RAD54L: variants seen among roughly 807,000 people sequenced by gnomAD.
RAD54L encodes the protein RAD54 like.
Under a neutral mutation model 91.6 loss-of-function variants are expected in RAD54L, and 74 were observed. The ratio of observed to expected loss-of-function variants is 0.81; its 90% CI spans 0.67 to 0.98. RAD54L has a LOEUF of 0.98. RAD54L is among the 50% of genes least tolerant of loss of function. The probability of loss-of-function intolerance (pLI) is 0.00; values close to 1 mark genes in which losing one functional copy is unlikely to be tolerated. For missense variants in RAD54L, 887 were observed against 945.7 expected (o/e 0.94, Z 0.81); for synonymous variants, 304 against 349.7 (o/e 0.87, Z 1.46).
At chr1:46,255,524 A>G (rs1258474) in intron 3 of RAD54L, among the ~76,000 whole-genome samples, 133,146 of 136,800 alleles carry the variant, frequency 0.97, 64,813 homozygotes, top group East Asian at 1. Flanking sequence ...TTTGAGACAT[A>G]GTCTTGCTCT....
intron 16 of RAD54L, among the ~76,000 whole-genome samples, chr1:46,275,726 C>T (rs527912588): frequency 1.3e-5 from 2 of 152,300 alleles, no homozygotes; most frequent in South Asian, 4.1e-4. Context: ...TCATCAGACT[C>T]CTTATACCAC....
At chr1:46,255,047 A>G (rs968354354) in intron 3 of RAD54L, among the ~76,000 whole-genome samples, 1 of 152,202 alleles carries the variant, frequency 6.6e-6, no homozygotes, top group African/African-American at 2.4e-5. Context: ...AGTAAGATAC[A>G]TGTCCATTGG....
In RAD54L at chr1:46,277,309, A is replaced by T. The variant is rs144252282; in HGVS notation, c.1870-508A>T. Among the ~76,000 whole-genome samples the T allele has an allele frequency of 3.3e-5, 5 of 152,324 alleles. No individual in the cohort carries two copies. The East Asian group carries it at 9.6e-4, about 29-fold the overall frequency. On this transcript the variant is annotated intron_variant, in intron 16 of 17. Coordinates refer to ENST00000371975, the MANE Select transcript of RAD54L (RefSeq NM_003579.4). ...TCAAGGATAGAGTTTCAAGTTTTCA[A>T]TACTGTTCTACTCTACCATCCTTAT... is the stretch of plus-strand genomic sequence containing the variant.
rs1384113848 is a variant in RAD54L, at chr1:46,261,269, A to G, written c.775A>G (p.Met259Val). 19 of 1,612,574 alleles carry G rather than the reference A, an allele frequency of 1.2e-5. No homozygotes were observed. Among genetic ancestry groups the G allele is most frequent in the East Asian group, 4.5e-5 (2 of 44,844 alleles). The change falls in exon 8 of 18, where the codon ATG (methionine) becomes GTG (valine). Residue 259 changes from methionine (M) to valine (V), a missense_variant. By Grantham distance (21) the Met-to-Val change is conservative. Coordinates refer to ENST00000371975, the MANE Select transcript of RAD54L (RefSeq NM_003579.4). Reference protein sequence around the residue: ...DEIDQKLEGFMNQRGARVSSP... With the variant: ...DEIDQKLEGFVNQRGARVSSP... ...CACCTTTTCTGTTGTAGAAGGATTC[A>G]TGAACCAGCGTGGAGCCAGGGTGTC... is the stretch of plus-strand genomic sequence containing the variant.
Position 46,248,145 on chromosome 1 carries a change from C to G in RAD54L, c.-261C>G, listed in dbSNP as rs762143850. On this transcript the variant is annotated 5_prime_UTR_variant, in exon 1 of 18. Coordinates refer to ENST00000371975, the MANE Select transcript of RAD54L (RefSeq NM_003579.4). ...TCCACCTGCCTCCTCCCCAATCCCACACTAATCTCTGCTTGGTCTCTTCCT... is the reference window on the plus strand; with the variant it reads ...TCCACCTGCCTCCTCCCCAATCCCAGACTAATCTCTGCTTGGTCTCTTCCT... 6.3e-5 allele frequency: 37 copies of G among 588,442 alleles called. No individual in the cohort carries two copies. The highest frequency in any genetic ancestry group is 8.3e-5 in the Non-Finnish European group (27 of 324,474). The allele number at this position is 588,442 out of a possible 1,614,324, so 36.5% of individuals were successfully genotyped here.
intron 3 of RAD54L, among the ~76,000 whole-genome samples, chr1:46,251,044 C>T (rs1250959641): frequency 6.6e-6 from 1 of 151,604 alleles, no homozygotes. Context: ...CGCAGTGGCT[C>T]ACGCCTGTAA....
At chr1:46,250,936 A>C (rs12748884) in intron 3 of RAD54L, among the ~76,000 whole-genome samples, 1 of 151,186 alleles carries the variant, frequency 6.6e-6, no homozygotes, top group East Asian at 1.9e-4. Context: ...ACGCCACTGC[A>C]CTCCAGCCTG....
chr1:46,274,826 CA>C, intron 16 of RAD54L, 109 bp downstream of exon 16: 6 of 1,299,932 alleles, frequency 4.6e-6, no homozygotes, highest in Non-Finnish European at 3.3e-6. Context: ...TAGCAGTAGC[CA>C]AGCTATGGGC....
At chr1:46,261,238 C>T (rs2148289109) in intron 7 of RAD54L, 23 bp from the exon 8 acceptor site, 1 of 1,607,424 alleles carries the variant, frequency 6.2e-7, no homozygotes. Flanking sequence ...TGAATTGTTC[C>T]CTTTACACCT....
At chr1:46,249,502 T>C (rs1659741528) in intron 2 of RAD54L, among the ~76,000 whole-genome samples, 1 of 152,244 alleles carries the variant, frequency 6.6e-6, no homozygotes, top group Non-Finnish European at 1.5e-5. Flanking sequence ...CAGCATTCTC[T>C]GCATCTGGGT....
intron 3 of RAD54L, among the ~76,000 whole-genome samples, chr1:46,253,667 A>G (rs1659862107): frequency 6.7e-6 from 1 of 150,348 alleles, no homozygotes; most frequent in Non-Finnish European, 1.5e-5. Context: ...GCAAACTGCA[A>G]TACCGGATTT....
intron 16 of RAD54L, 96 bp downstream of exon 16, chr1:46,274,813 C>T: frequency 6.8e-7 from 1 of 1,471,132 alleles, no homozygotes; most frequent in South Asian, 1.1e-5. Flanking sequence ...GCCTTTCTGC[C>T]TCTAGCAGTA....
chr1:46,248,623 G>T (rs1254795828), intron 2 of RAD54L, 25 bp downstream of exon 2: 1 of 1,607,330 alleles, frequency 6.2e-7, no homozygotes. Context: ...GGACAGGGAA[G>T]GTGGGTAGAG....
chr1:46,248,139 A>G lies in RAD54L; in HGVS notation c.-267A>G, dbSNP rs1027501869. 20 of 553,114 alleles carry G rather than the reference A, an allele frequency of 3.6e-5. No homozygotes were observed. Among genetic ancestry groups the G allele is most frequent in the Admixed American group, 1.6e-4 (6 of 36,654 alleles). 34.3% of individuals were successfully genotyped at this position (553,114 alleles called of 1,614,324 possible). On this transcript the variant is annotated 5_prime_UTR_variant, in exon 1 of 18. Coordinates refer to ENST00000371975, the MANE Select transcript of RAD54L (RefSeq NM_003579.4). ...TGGGACTCCACCTGCCTCCTCCCCA[A>G]TCCCACACTAATCTCTGCTTGGTCT...
intron 16 of RAD54L, among the ~76,000 whole-genome samples, chr1:46,275,754 A>T (rs905985736): frequency 6.6e-6 from 1 of 152,140 alleles, no homozygotes; most frequent in African/African-American, 2.4e-5. Flanking sequence ...ACCTTCAAAT[A>T]TACTACTGAA....
chr1:46,249,961 G>A (rs1659752621), intron 2 of RAD54L, 39 bp from the exon 3 acceptor site: 1 of 1,609,618 alleles, frequency 6.2e-7, no homozygotes, highest in Admixed American at 1.7e-5. Context: ...TGATTTCTGT[G>A]GTCTTCTAGA....
At chr1:46,254,813 C>T (rs1659897226) in intron 3 of RAD54L, among the ~76,000 whole-genome samples, 1 of 151,940 alleles carries the variant, frequency 6.6e-6, no homozygotes, top group Non-Finnish European at 1.5e-5. Context: ...TTTCAAACTC[C>T]TGGGTTCTAG....
intron 9 of RAD54L, among the ~76,000 whole-genome samples, chr1:46,270,096 A>G (rs1176813177): frequency 6.6e-6 from 1 of 150,382 alleles, no homozygotes; most frequent in Non-Finnish European, 1.5e-5. Flanking sequence ...TTGGCCGGGC[A>G]CGGTGGCTCA....
intron 3 of RAD54L, among the ~76,000 whole-genome samples, chr1:46,253,415 T>C (rs947342041): frequency 2.0e-5 from 3 of 152,106 alleles, no homozygotes; most frequent in Non-Finnish European, 4.4e-5. Flanking sequence ...AGATCGGAGA[T>C]TGAGACCATC....
Sources: allele counts gnomAD v4.1 joint callset (sites outside exome capture counted in the v4.1 genomes callset), GRCh38; gene constraint gnomAD v4.1.1; transcripts MANE v1.5; gene names NCBI Gene and HGNC (gene_info 2026-07-23, HGNC 2026-07-21).